ITGA11: variants seen among roughly 807,000 people sequenced by gnomAD.
ITGA11 encodes integrin subunit alpha 11, also known as integrin alpha-11.
Under a neutral mutation model 141.9 loss-of-function variants are expected in ITGA11, and 97 were observed. That is an observed-to-expected ratio of 0.68 (90% CI 0.58 to 0.81). The LOEUF (loss-of-function observed/expected upper bound fraction) is 0.81. Among genes scored for constraint, ITGA11 ranks in the 30% least tolerant of loss-of-function variants. The pLI is 0.00. For missense variants in ITGA11, 1,387 were observed against 1,559.2 expected (o/e 0.89, Z 1.86); for synonymous variants, 658 against 624.6 (o/e 1.05, Z -0.80).
At chr15:68,384,232 A>C (rs1441681082) in intron 2 of ITGA11, among the ~76,000 whole-genome samples, 2 of 148,942 alleles carry the variant, frequency 1.3e-5, no homozygotes, top group Non-Finnish European at 3.0e-5. Context: ...ACATCTCTTC[A>C]ATTTCTGGGA....
Position 68,301,681 on chromosome 15 carries a change from C to T in ITGA11, c.*1378G>A, listed in dbSNP as rs1567118133. On this transcript the variant is annotated 3_prime_UTR_variant, in exon 30 of 30. Coordinates refer to ENST00000315757, the MANE Select transcript of ITGA11 (RefSeq NM_001004439.2). The surrounding 1 kb of genome is among the most constrained non-coding windows in gnomAD (Gnocchi z 4.4). ...GGCTCACTGTGATATGCTCTGCCCA[C>T]AGAATGGGATGTCAGTGCTTGGTTG... 6.6e-6 allele frequency: 1 copy of T among 152,416 alleles called. No homozygotes were observed. Among genetic ancestry groups the T allele is most frequent in the Non-Finnish European group, 1.5e-5 (1 of 68,040 alleles). 9.4% of individuals were successfully genotyped at this position (152,416 alleles called of 1,614,324 possible).
At chr15:68,367,837 A>G (rs1895474306) in intron 3 of ITGA11, among the ~76,000 whole-genome samples, 1 of 152,238 alleles carries the variant, frequency 6.6e-6, no homozygotes, top group Non-Finnish European at 1.5e-5. Context: ...CCGCATGGAC[A>G]CACAGCAAAG....
At chr15:68,387,826 T>C (rs1393599567) in intron 2 of ITGA11, among the ~76,000 whole-genome samples, 1 of 152,066 alleles carries the variant, frequency 6.6e-6, no homozygotes, top group Non-Finnish European at 1.5e-5. Context: ...AATCCTCTCC[T>C]CTTCTGCCCC....
intron 1 of ITGA11, among the ~76,000 whole-genome samples, chr15:68,422,958 C>T (rs1269060344): frequency 2.0e-5 from 3 of 152,226 alleles, no homozygotes; most frequent in Non-Finnish European, 4.4e-5. Context: ...GTTATCTCTT[C>T]TCATCTTTTA....
chr15:68,331,174 C>T (rs867775045), intron 14 of ITGA11, 63 bp from the exon 15 acceptor site: 44 of 1,468,206 alleles, frequency 3.0e-5, no homozygotes, highest in Non-Finnish European at 3.5e-5. Flanking sequence ...CGGGCGTCCC[C>T]GAGCAGCAGG....
intron 1 of ITGA11, among the ~76,000 whole-genome samples, chr15:68,418,704 C>T (rs963277276): frequency 1.8e-4 from 28 of 152,116 alleles, no homozygotes; most frequent in African/African-American, 6.3e-4. Flanking sequence ...ATTCTGGCTT[C>T]AGGCCATTTC....
At chr15:68,357,126 T>A (rs185179236) in intron 7 of ITGA11, 25 bp downstream of exon 7, 232 of 1,603,872 alleles carry the variant, frequency 1.4e-4, no homozygotes, top group Non-Finnish European at 1.9e-4. Flanking sequence ...CTAAAAAAAT[T>A]TTTTTTGTTC....
At chr15:68,311,141 G>T in intron 25 of ITGA11, 61 bp from the exon 26 acceptor site, 3 of 1,397,264 alleles carry the variant, frequency 2.1e-6, no homozygotes, top group Non-Finnish European at 3.0e-6. Flanking sequence ...TCTGGCAGAC[G>T]CAGGATCCCA....
intron 11 of ITGA11, among the ~76,000 whole-genome samples, chr15:68,337,154 A>T (rs2140311410): frequency 6.6e-6 from 1 of 152,158 alleles, no homozygotes; most frequent in Admixed American, 6.5e-5. Context: ...GCCTGCTTGG[A>T]AGGAGGGGCA....
At chr15:68,429,185 C>G (rs1007002476) in intron 1 of ITGA11, among the ~76,000 whole-genome samples, 3 of 152,168 alleles carry the variant, frequency 2.0e-5, no homozygotes, top group Admixed American at 1.3e-4. Context: ...TCTATTATTA[C>G]CCCCACTTTG....
intron 13 of ITGA11, 34 bp from the exon 14 acceptor site, chr15:68,332,096 G>T: frequency 6.5e-7 from 1 of 1,540,142 alleles, no homozygotes; most frequent in South Asian, 1.2e-5. Context: ...GGCTGGGGAG[G>T]GTTTGGCAAA....
At position 68,349,570 on chromosome 15, in the gene ITGA11, C is replaced by T. The variant is rs182856071; in HGVS notation, c.1061-670G>A. On this transcript the variant is annotated intron_variant, in intron 9 of 29. Transcript: ENST00000315757. ...CTTTATATTCATCTGCCCTTGTTTA[C>T]GAGGGCCATTTTAGTCTCTTCGTGT... Among the ~76,000 whole-genome samples the T allele has an allele frequency of 2.0e-3, 311 of 152,284 alleles. 11 individuals carry two copies. In the South Asian group the frequency reaches 0.057, roughly 28 times the overall value.
At position 68,303,126 on chromosome 15, in the gene ITGA11, C is replaced by T; in HGVS notation, c.3500G>A (p.Gly1167Asp). 1 of 1,551,372 alleles carries T rather than the reference C, an allele frequency of 6.4e-7. No homozygotes were observed. Among genetic ancestry groups the T allele is most frequent in the Non-Finnish European group, 8.7e-7 (1 of 1,147,076 alleles). Residue 1167 changes from glycine (G) to aspartate (D), a missense_variant, in exon 30 of 30, where the codon GGC becomes GAC. Transcript: ENST00000315757. The surrounding 1 kb of genome is among the most constrained non-coding windows in gnomAD (Gnocchi z 5.3). The stretch of plus-strand genomic sequence containing the variant: ...CCTGCGCCTGGCACTTCTAAAGAAG[C>T]CGAGCTGTGAGGAGGCAAAGGGAGA... ...ALLVLALWKL[G>D]FFRSARRRRE...
chr15:68,402,883 T>G, intron 2 of ITGA11, 35 bp downstream of exon 2: 1 of 1,446,674 alleles, frequency 6.9e-7, no homozygotes, highest in South Asian at 1.2e-5. Flanking sequence ...TGTGGAATGG[T>G]ACAGGGCTGG....
At position 68,297,657 on chromosome 15, in the gene ITGA11, A is replaced by G. The variant is rs1892938705; in HGVS notation, c.*5402T>C. ...TTTTTAAAGAAATAAATTTTCAGTT[A>G]CTTCTTTTGGATGTCCCAGATACAC... On this transcript the variant is annotated 3_prime_UTR_variant, in exon 30 of 30. Coordinates refer to ENST00000315757, the MANE Select transcript of ITGA11 (RefSeq NM_001004439.2). The G allele has an allele frequency of 1.3e-5, 2 of 152,048 alleles. No individual in the cohort carries two copies. Among genetic ancestry groups the G allele is most frequent in the African/African-American group, 4.8e-5 (2 of 41,392 alleles). 9.4% of individuals were successfully genotyped at this position (152,048 alleles called of 1,614,324 possible). A position where few individuals can be genotyped will look rare whatever the true frequency, so the allele number is the denominator to read the frequency against.
At chr15:68,393,330 A>G (rs1896161358) in intron 2 of ITGA11, among the ~76,000 whole-genome samples, 1 of 152,216 alleles carries the variant, frequency 6.6e-6, no homozygotes, top group South Asian at 2.1e-4. Context: ...AAATGAAGGT[A>G]GAGAATTTTC....
chr15:68,302,021 G>A lies in ITGA11; in HGVS notation c.*1038C>T, dbSNP rs1312464934. The A allele has an allele frequency of 6.5e-6, 1 of 154,480 alleles. No homozygotes were observed. Among genetic ancestry groups the A allele is most frequent in the African/African-American group, 2.4e-5 (1 of 41,070 alleles). The allele number at this position is 154,480 out of a possible 1,614,324, so 9.6% of individuals were successfully genotyped here. On this transcript the variant is annotated 3_prime_UTR_variant, in exon 30 of 30. Transcript: ENST00000315757. ...AACAGCGCTGGCCAAGCCCTTCCCT[G>A]TGCACTGGCGGGCATGAGGGAAGGA...
rs749429170 is a variant in ITGA11 at position 68,328,164 on chromosome 15, G to T, written c.2000C>A (p.Thr667Asn). ...GAAGCAGAGGAAGGCGGCCAGGCAGGTGGCATCCCTGCCACTGCGCTTGCA... is the reference window on the plus strand; with the variant it reads ...GAAGCAGAGGAAGGCGGCCAGGCAGTTGGCATCCCTGCCACTGCGCTTGCA... ...RDCKRSGRDA[T>N]CLAAFLCFTP... The change falls in exon 16 of 30, where the codon ACC becomes AAC. Residue 667 changes from threonine to asparagine, a missense_variant. Physicochemically the swap from Thr to Asn is moderately conservative, Grantham distance 65. Coordinates refer to ENST00000315757, the MANE Select transcript of ITGA11 (RefSeq NM_001004439.2). This position sits in a 1 kb window ranked among gnomAD's most constrained non-coding sequence, Gnocchi z 4.8. The T allele has an allele frequency of 1.2e-6, 2 of 1,613,954 alleles. No homozygotes were observed. The highest frequency in any genetic ancestry group is 2.2e-5 in the East Asian group (1 of 44,878).
At chr15:68,352,984 T>C (rs950133212) in intron 7 of ITGA11, among the ~76,000 whole-genome samples, 4 of 152,174 alleles carry the variant, frequency 2.6e-5, no homozygotes, top group African/African-American at 9.7e-5. Flanking sequence ...AGTTATAGTC[T>C]GCCAATAAGG....
Sources: gnomAD v4.1 joint callset for allele counts (sites outside exome capture counted in the v4.1 genomes callset) on GRCh38, gnomAD v4.1.1 for gene constraint, Gnocchi (gnomAD v3.1) non-coding constraint, MANE v1.5 for transcripts, NCBI Gene and HGNC (gene_info 2026-07-23, HGNC 2026-07-21) for gene names.